Variants in GRIK2 observed in about 807,000 individuals in gnomAD.
The protein encoded by GRIK2 is glutamate ionotropic receptor kainate type subunit 2, also known as glutamate receptor ionotropic, kainate 2.
A neutral mutation model predicts 100.3 loss-of-function variants in GRIK2; 32 were observed. The observed-to-expected ratio is 0.32, with a 90% CI of 0.24 to 0.43. The LOEUF (loss-of-function observed/expected upper bound fraction) is 0.43, where lower values mean the gene tolerates loss of function less well. Ranked by LOEUF, GRIK2 falls within the 20% of genes least tolerant of loss-of-function variation. The pLI is 1.00. For synonymous variants in GRIK2, 417 were observed against 389.4 expected (o/e 1.07, Z -0.83); for missense variants, 843 against 1,114.9 (o/e 0.76, Z 3.47).
chr6:101,832,565 T>C (rs58756097), intron 10 of GRIK2, among the ~76,000 whole-genome samples: 13,326 of 152,156 alleles, frequency 0.088, 1,590 homozygotes, highest in African/African-American at 0.27. Context: ...GGCCTGGCAC[T>C]CCTATGCCAG....
intron 14 of GRIK2, among the ~76,000 whole-genome samples, chr6:101,958,263 G>C (rs1336283390): frequency 6.6e-6 from 1 of 151,126 alleles, no homozygotes; most frequent in Admixed American, 6.6e-5. Flanking sequence ...TTGTGTGTGT[G>C]TGTGTGTGTG....
intron 7 of GRIK2, among the ~76,000 whole-genome samples, chr6:101,772,277 G>A (rs1778453444): frequency 6.6e-6 from 1 of 152,178 alleles, no homozygotes; most frequent in Admixed American, 6.5e-5. Context: ...TGTTTCACTT[G>A]GCCATGCCTG....
At chr6:101,551,222 C>T (rs1454610527) in intron 2 of GRIK2, among the ~76,000 whole-genome samples, 1 of 152,124 alleles carries the variant, frequency 6.6e-6, no homozygotes, top group Non-Finnish European at 1.5e-5. Context: ...AAGATTTCAG[C>T]TGACTGTTTA....
intron 2 of GRIK2, among the ~76,000 whole-genome samples, chr6:101,399,775 G>A (rs1775185554): frequency 6.6e-6 from 1 of 152,240 alleles, no homozygotes; most frequent in African/African-American, 2.4e-5. Context: ...ACGCCTCTCA[G>A]CTTGCGGGGC....
intron 4 of GRIK2, among the ~76,000 whole-genome samples, chr6:101,667,565 G>A (rs569904293): frequency 6.6e-6 from 1 of 152,150 alleles, no homozygotes; most frequent in African/African-American, 2.4e-5. Context: ...TGTTTTCATG[G>A]GATTGTAAAG....
intron 2 of GRIK2, among the ~76,000 whole-genome samples, chr6:101,552,440 G>A (rs189236534): frequency 1.8e-3 from 270 of 152,130 alleles, no homozygotes; most frequent in Non-Finnish European, 2.2e-3. Flanking sequence ...TTTTGCTTTG[G>A]CTGGGTTTCT....
At chr6:101,713,761 G>T (rs184203488) in intron 7 of GRIK2, among the ~76,000 whole-genome samples, 1 of 151,748 alleles carries the variant, frequency 6.6e-6, no homozygotes, top group Admixed American at 6.6e-5. Flanking sequence ...AATTACATTT[G>T]TGACAGAAAG....
chr6:101,811,947 A>C (rs1052011431), intron 9 of GRIK2, among the ~76,000 whole-genome samples: 3 of 151,612 alleles, frequency 2.0e-5, no homozygotes, highest in Admixed American at 1.3e-4. Context: ...CCAAAGAGAA[A>C]ATATACTTAT....
intron 14 of GRIK2, among the ~76,000 whole-genome samples, chr6:101,983,517 A>G (rs1467308179): frequency 6.6e-6 from 1 of 151,798 alleles, no homozygotes; most frequent in African/African-American, 2.4e-5. Context: ...TATTTTACAA[A>G]CACACTAATA....
At position 101,739,288 on chromosome 6, in the gene GRIK2, G is replaced by A. The variant is rs149096364; in HGVS notation, c.951+52935G>A. Among the ~76,000 whole-genome samples the A allele has an allele frequency of 1.6e-3, 238 of 152,290 alleles. 1 individual carries two copies. Among genetic ancestry groups the A allele is most frequent in the Admixed American group, 2.5e-3 (38 of 15,292 alleles). On this transcript the variant is annotated intron_variant, in intron 7 of 16. Coordinates refer to ENST00000369134, the MANE Select transcript of GRIK2 (RefSeq NM_021956.5). ...AATAAATCACATAGGCCCTCAGTGG[G>A]TGATTGGAGGGTATATTTATTTAAA...
At chr6:101,942,763 C>T (rs1318457988) in intron 14 of GRIK2, among the ~76,000 whole-genome samples, 1 of 152,034 alleles carries the variant, frequency 6.6e-6, no homozygotes, top group Non-Finnish European at 1.5e-5. Flanking sequence ...TACATGTTCA[C>T]AAAGAGATGG....
intron 7 of GRIK2, among the ~76,000 whole-genome samples, chr6:101,692,335 G>A (rs1435955995): frequency 1.3e-5 from 2 of 151,910 alleles, no homozygotes; most frequent in African/African-American, 4.8e-5. Flanking sequence ...CAAAATAAAA[G>A]AATAAAGAGT....
chr6:101,509,643 T>C (rs1374528637), intron 2 of GRIK2, among the ~76,000 whole-genome samples: 1 of 152,320 alleles, frequency 6.6e-6, no homozygotes, highest in Non-Finnish European at 1.5e-5. Flanking sequence ...TGGAAAATTT[T>C]CCATATGTGT....
At chr6:101,606,198 A>G (rs1406329987) in intron 2 of GRIK2, among the ~76,000 whole-genome samples, 1 of 151,996 alleles carries the variant, frequency 6.6e-6, no homozygotes, top group African/African-American at 2.4e-5. Context: ...CAGGGGACTT[A>G]GGTTGTGGTG....
chr6:101,648,246 T>G (rs1178512966), intron 4 of GRIK2, among the ~76,000 whole-genome samples: 2 of 152,068 alleles, frequency 1.3e-5, no homozygotes, highest in Non-Finnish European at 2.9e-5. Context: ...GAAGTGGAAT[T>G]GGACTACCGA....
chr6:101,495,483 G>C lies in GRIK2; in HGVS notation c.115+96091G>C, dbSNP rs1582576871. On this transcript the variant is annotated intron_variant, in intron 2 of 16. Transcript: ENST00000369134. ...ATCTTGCCACTGCACTCTAGCCTGG[G>C]AGATAGAGCAAGACTCCGTCTCAAA... Among the ~76,000 whole-genome samples, 4 of 152,062 alleles carry C rather than the reference G, an allele frequency of 2.6e-5. No individual in the cohort carries two copies. In the South Asian group the frequency reaches 8.3e-4, roughly 32 times the overall value.
intron 2 of GRIK2, among the ~76,000 whole-genome samples, chr6:101,412,436 C>G (rs964962948): frequency 1.3e-5 from 2 of 151,818 alleles, no homozygotes; most frequent in Non-Finnish European, 2.9e-5. Flanking sequence ...ACTTTACTGA[C>G]AGTATGATTT....
chr6:101,496,246 C>G (rs1193669779), intron 2 of GRIK2, among the ~76,000 whole-genome samples: 1 of 152,040 alleles, frequency 6.6e-6, no homozygotes, highest in Non-Finnish European at 1.5e-5. Flanking sequence ...CATGCCTGGC[C>G]CTGGACTTTT....
chr6:102,030,186 G>T (rs778988018), intron 14 of GRIK2, among the ~76,000 whole-genome samples: 1 of 151,104 alleles, frequency 6.6e-6, no homozygotes, highest in East Asian at 2.0e-4. Flanking sequence ...AGTTACCAGG[G>T]GTTTGAGGGG....
Sources: gnomAD v4.1 joint callset for allele counts (sites outside exome capture counted in the v4.1 genomes callset) on GRCh38, gnomAD v4.1.1 for gene constraint, MANE v1.5 for transcripts, NCBI Gene and HGNC (gene_info 2026-07-23, HGNC 2026-07-21) for gene names.